Variants in APP observed in about 807,000 individuals in gnomAD.
The protein encoded by APP is amyloid-beta precursor protein.
A neutral mutation model predicts 101.4 loss-of-function variants in APP; 31 were observed. That is an observed-to-expected ratio of 0.31 (90% CI 0.23 to 0.41). The LOEUF is 0.41. Ranked by LOEUF, APP falls within the 10% of genes least tolerant of loss-of-function variation. APP has a pLI of 1.00. For synonymous variants in APP, 366 were observed against 364.4 expected (o/e 1.00, Z -0.05); for missense variants, 839 against 1,003.7 (o/e 0.84, Z 2.22).
intron 3 of APP, among the ~76,000 whole-genome samples, chr21:26,058,896 A>G (rs2046150044): frequency 6.6e-6 from 1 of 152,086 alleles, no homozygotes; most frequent in African/African-American, 2.4e-5. Context: ...CCTGGCTAAC[A>G]CGGTGAAACC....
intron 1 of APP, among the ~76,000 whole-genome samples, chr21:26,118,760 C>T (rs1009839622): frequency 4.0e-5 from 6 of 151,836 alleles, no homozygotes; most frequent in African/African-American, 1.5e-4. Context: ...TGCCATGTTG[C>T]CACTCCTGAC....
chr21:26,093,767 C>G (rs1409918929), intron 2 of APP, among the ~76,000 whole-genome samples: 1 of 152,168 alleles, frequency 6.6e-6, no homozygotes, highest in Non-Finnish European at 1.5e-5. Context: ...CAGCTTCTCT[C>G]TCTATAACAC....
intron 3 of APP, among the ~76,000 whole-genome samples, chr21:26,067,821 T>C (rs2046517515): frequency 6.6e-6 from 1 of 152,162 alleles, no homozygotes; most frequent in African/African-American, 2.4e-5. Context: ...GCAGATATAG[T>C]AGAGATAATT....
At chr21:26,013,178 G>A (rs1356479229) in intron 6 of APP, among the ~76,000 whole-genome samples, 5 of 152,078 alleles carry the variant, frequency 3.3e-5, no homozygotes, top group African/African-American at 1.2e-4. Context: ...TTAGCCAGGC[G>A]CGGTTGTGTG....
Position 25,916,162 on chromosome 21 carries a change from C to A in APP, c.1688-4200G>T, listed in dbSNP as rs142287850. On this transcript the variant is annotated intron_variant, in intron 13 of 17. Coordinates refer to ENST00000346798, the MANE Select transcript of APP (RefSeq NM_000484.4). ...GATTACAGGCACACACTACCATGAC[C>A]GGATAGTTTTTATGTTTTTAGTAGA... 3.8e-4 allele frequency among the ~76,000 whole-genome samples: 58 copies of A among 152,208 alleles called. 1 individual carries two copies. The East Asian group carries it at 7.1e-3, about 19-fold the overall frequency.
intron 1 of APP, among the ~76,000 whole-genome samples, chr21:26,122,722 T>A (rs1031315652): frequency 2.0e-5 from 3 of 147,440 alleles, no homozygotes; most frequent in Admixed American, 6.7e-5. Flanking sequence ...TTTAATAAAA[T>A]TTTTTATTAG....
chr21:25,989,982 G>A (rs977790420), intron 8 of APP, among the ~76,000 whole-genome samples: 21 of 150,914 alleles, frequency 1.4e-4, no homozygotes, highest in African/African-American at 4.9e-4. Context: ...AACTCCTAAC[G>A]CATTCTACAT....
At chr21:25,970,057 G>A (rs1020762529) in intron 11 of APP, among the ~76,000 whole-genome samples, 1 of 151,836 alleles carries the variant, frequency 6.6e-6, no homozygotes, top group Admixed American at 6.6e-5. Context: ...TCCGAGTTAA[G>A]AATTTAACAG....
At chr21:26,110,847 G>A (rs1202026759) in intron 2 of APP, among the ~76,000 whole-genome samples, 5 of 151,890 alleles carry the variant, frequency 3.3e-5, no homozygotes, top group Non-Finnish European at 5.9e-5. Context: ...AATGAGTGTC[G>A]AGAATTCTGC....
At chr21:26,087,869 T>C (rs1026785375) in intron 3 of APP, among the ~76,000 whole-genome samples, 11 of 152,250 alleles carry the variant, frequency 7.2e-5, no homozygotes, top group Admixed American at 2.0e-4. Flanking sequence ...GCACAACAAA[T>C]ACAAATATTT....
chr21:25,903,958 C>G (rs1319883595), intron 15 of APP, among the ~76,000 whole-genome samples: 8 of 148,454 alleles, frequency 5.4e-5, no homozygotes, highest in African/African-American at 7.5e-5. Context: ...AGTCATGGCT[C>G]GAGCCTGTGG....
intron 1 of APP, among the ~76,000 whole-genome samples, chr21:26,124,697 T>C (rs181441239): frequency 1.3e-4 from 20 of 152,338 alleles, no homozygotes; most frequent in Admixed American, 1.3e-3. Context: ...GAGGAAGAGA[T>C]AGAAACGGAT....
At chr21:26,060,194 C>A (rs1235055887) in intron 3 of APP, among the ~76,000 whole-genome samples, 1 of 152,182 alleles carries the variant, frequency 6.6e-6, no homozygotes, top group Middle Eastern at 3.2e-3. Context: ...ACTGAAGACA[C>A]TGGGGTTTTA....
chr21:26,103,790 C>G (rs147682881), intron 2 of APP, among the ~76,000 whole-genome samples: 1 of 152,268 alleles, frequency 6.6e-6, no homozygotes, highest in Non-Finnish European at 1.5e-5. Context: ...GACTAGCGTG[C>G]TCTAGGTCAG....
chr21:25,940,500 A>C (rs968952104), intron 13 of APP, among the ~76,000 whole-genome samples: 33 of 152,188 alleles, frequency 2.2e-4, no homozygotes, highest in Non-Finnish European at 1.3e-4. Flanking sequence ...AATTGGCCAT[A>C]ATTTTTAAAA....
chr21:25,892,141 C>A (rs550672423), intron 16 of APP, among the ~76,000 whole-genome samples: 2 of 78,896 alleles, frequency 2.5e-5, no homozygotes, highest in Non-Finnish European at 5.2e-5. Context: ...TTCCCCAGTT[C>A]GAGGAAGTCT....
At chr21:25,938,751 G>A (rs550731762) in intron 13 of APP, among the ~76,000 whole-genome samples, 7 of 152,250 alleles carry the variant, frequency 4.6e-5, no homozygotes, top group African/African-American at 1.7e-4. Flanking sequence ...CGAAGACACC[G>A]ACAAATACCA....
At chr21:25,905,957 G>GC (rs5843180) in intron 14 of APP, among the ~76,000 whole-genome samples, 1 of 152,208 alleles carries the variant, frequency 6.6e-6, no homozygotes. Context: ...AAGCCACGGA[G>GC]GTAGGTGCAG....
chr21:25,924,393 G>A (rs1385311603), intron 13 of APP, among the ~76,000 whole-genome samples: 8 of 85,586 alleles, frequency 9.3e-5, no homozygotes, highest in African/African-American at 1.3e-4. Flanking sequence ...AAAAAAAAAA[G>A]ATTTGAATTT....
Sources: allele counts gnomAD v4.1 joint callset (sites outside exome capture counted in the v4.1 genomes callset), GRCh38; gene constraint gnomAD v4.1.1; transcripts MANE v1.5; gene names NCBI Gene and HGNC (gene_info 2026-07-23, HGNC 2026-07-21).